Variants in TSHZ2 observed in about 807,000 individuals in gnomAD.
TSHZ2 encodes the protein teashirt zinc finger homeobox 2.
TSHZ2 carries 21 observed loss-of-function variants against 74.4 expected under a neutral mutation model. That is an observed-to-expected ratio of 0.28 (90% CI 0.20 to 0.41). TSHZ2 has a LOEUF of 0.41. Ranked by LOEUF, TSHZ2 falls within the 10% of genes least tolerant of loss-of-function variation. The probability of loss-of-function intolerance (pLI) is 1.00; values close to 1 mark genes in which losing one functional copy is unlikely to be tolerated. For synonymous variants in TSHZ2, 540 were observed against 515.3 expected (o/e 1.05, Z -0.65); for missense variants, 1,244 against 1,293.5 (o/e 0.96, Z 0.59).
chr20:53,414,282 G>C (rs1227034594), intron 2 of TSHZ2, among the ~76,000 whole-genome samples: 1 of 152,088 alleles, frequency 6.6e-6, no homozygotes, highest in African/African-American at 2.4e-5. Context: ...TTTTTACTAA[G>C]TTCTTGTACT....
chr20:53,376,308 G>A (rs1028975390), intron 2 of TSHZ2, among the ~76,000 whole-genome samples: 4 of 152,132 alleles, frequency 2.6e-5, no homozygotes, highest in Non-Finnish European at 5.9e-5. Context: ...GGAAAGTGTT[G>A]GCAAACTGGA....
In TSHZ2 at chr20:53,443,610, A is replaced by G. The variant is rs79620998; in HGVS notation, c.*9-43534A>G. ...TCTTCAGGTATCATCTGTCTCACCC[A>G]TGCTCAAATGTCATTCTAAGGCTTA... On this transcript the variant is annotated intron_variant, in intron 2 of 2. Coordinates refer to ENST00000371497, the MANE Select transcript of TSHZ2 (RefSeq NM_173485.6). 5.4e-4 allele frequency among the ~76,000 whole-genome samples: 83 copies of G among 152,354 alleles called. 1 individual carries two copies. The East Asian group carries it at 0.015, about 28-fold the overall frequency.
chr20:53,044,814 A>ATCC (rs1243884954), intron 1 of TSHZ2, among the ~76,000 whole-genome samples: 3 of 152,074 alleles, frequency 2.0e-5, no homozygotes, highest in Non-Finnish European at 2.9e-5. Context: ...GGTTCACGGG[A>ATCC]TCCTCCTACC....
intron 1 of TSHZ2, among the ~76,000 whole-genome samples, chr20:53,020,065 T>C (rs1448441112): frequency 6.6e-6 from 1 of 152,088 alleles, no homozygotes; most frequent in Non-Finnish European, 1.5e-5. Context: ...ACTGCCACTT[T>C]TAAAACCGTG....
chr20:53,195,284 C>T (rs374718808), intron 1 of TSHZ2, among the ~76,000 whole-genome samples: 5 of 150,236 alleles, frequency 3.3e-5, no homozygotes, highest in East Asian at 3.9e-4. Context: ...TATATATATA[C>T]ACACACACAC....
At chr20:53,408,969 G>A (rs1431762273) in intron 2 of TSHZ2, among the ~76,000 whole-genome samples, 4 of 152,120 alleles carry the variant, frequency 2.6e-5, no homozygotes, top group African/African-American at 9.7e-5. Flanking sequence ...TCGTAGAGAC[G>A]GTCACTGATT....
intron 2 of TSHZ2, among the ~76,000 whole-genome samples, chr20:53,257,502 A>G (rs1228389683): frequency 2.0e-5 from 3 of 152,258 alleles, no homozygotes; most frequent in African/African-American, 4.8e-5. Context: ...TTTAGGAAAC[A>G]GGGCAGAGAC....
chr20:53,385,837 A>G (rs1982024248), intron 2 of TSHZ2, among the ~76,000 whole-genome samples: 1 of 152,132 alleles, frequency 6.6e-6, no homozygotes, highest in African/African-American at 2.4e-5. Flanking sequence ...AGAATCTGAA[A>G]AGAAAGCTGG....
chr20:53,389,416 G>T (rs551560805), intron 2 of TSHZ2, among the ~76,000 whole-genome samples: 1 of 152,336 alleles, frequency 6.6e-6, no homozygotes, highest in Admixed American at 6.5e-5. Flanking sequence ...AGAGGAAATT[G>T]TGTCTAAGTC....
intron 1 of TSHZ2, among the ~76,000 whole-genome samples, chr20:53,204,106 A>AC (rs370261389): frequency 4.0e-5 from 4 of 99,656 alleles, no homozygotes; most frequent in East Asian, 3.3e-4. Flanking sequence ...ATGATATGAT[A>AC]TACTATATCA....
At chr20:53,144,753 G>C (rs569096482) in intron 1 of TSHZ2, among the ~76,000 whole-genome samples, 1 of 151,850 alleles carries the variant, frequency 6.6e-6, no homozygotes, top group Non-Finnish European at 1.5e-5. Flanking sequence ...TATGTTCCTC[G>C]TACTATGAGG....
chr20:53,093,352 A>G (rs1985943118), intron 1 of TSHZ2, among the ~76,000 whole-genome samples: 1 of 152,206 alleles, frequency 6.6e-6, no homozygotes, highest in Admixed American at 6.5e-5. Context: ...CCCATAGGGA[A>G]GGAAGAGTAA....
chr20:53,139,221 G>A (rs1987327146), intron 1 of TSHZ2, among the ~76,000 whole-genome samples: 3 of 152,078 alleles, frequency 2.0e-5, no homozygotes, highest in Non-Finnish European at 4.4e-5. Context: ...CCAGATTCTC[G>A]GTTTCACCAG....
intron 2 of TSHZ2, among the ~76,000 whole-genome samples, chr20:53,359,793 C>T (rs938315950): frequency 6.6e-6 from 1 of 152,136 alleles, no homozygotes; most frequent in African/African-American, 2.4e-5. Flanking sequence ...GGAGTCAGAC[C>T]GTGGAGGGCT....
chr20:53,476,775 C>G (rs1428936046), intron 2 of TSHZ2, among the ~76,000 whole-genome samples: 1 of 147,400 alleles, frequency 6.8e-6, no homozygotes, highest in Admixed American at 6.7e-5. Flanking sequence ...TGTCTCACCC[C>G]AAAATCTCCT....
At chr20:53,452,598 CAAAA>C (rs11313655) in intron 2 of TSHZ2, among the ~76,000 whole-genome samples, 4 of 121,280 alleles carry the variant, frequency 3.3e-5, no homozygotes, top group Non-Finnish European at 3.5e-5. Context: ...GACTCTGTCT[CAAAA>C]AAAAAAAAAA....
intron 2 of TSHZ2, among the ~76,000 whole-genome samples, chr20:53,443,225 T>C (rs1033733584): frequency 8.5e-5 from 13 of 152,306 alleles, no homozygotes; most frequent in African/African-American, 3.1e-4. Context: ...ATCAATTGCT[T>C]GAAATGCCAT....
chr20:53,425,001 T>G (rs937772061), intron 2 of TSHZ2, among the ~76,000 whole-genome samples: 1 of 152,244 alleles, frequency 6.6e-6, no homozygotes, highest in Non-Finnish European at 1.5e-5. Context: ...GTCTTTGCTA[T>G]TGTGCATAGT....
chr20:53,437,732 G>A (rs140019627), intron 2 of TSHZ2, among the ~76,000 whole-genome samples: 123 of 152,306 alleles, frequency 8.1e-4, no homozygotes, highest in African/African-American at 2.1e-3. Flanking sequence ...TGGGTTATGG[G>A]GGCAGATACC....
Sources: gnomAD v4.1 joint callset for allele counts (sites outside exome capture counted in the v4.1 genomes callset) on GRCh38, gnomAD v4.1.1 for gene constraint, MANE v1.5 for transcripts, NCBI Gene and HGNC (gene_info 2026-07-23, HGNC 2026-07-21) for gene names.